The following XCR1 variants were observed in gnomAD, a reference collection of about 807,000 sequenced individuals.
XCR1 encodes chemokine XC receptor 1.
For synonymous variants in XCR1, 187 were observed against 188.5 expected, an observed-to-expected ratio of 0.99 and a Z score of 0.06; for missense variants, 356 against 424.2, an observed-to-expected ratio of 0.84 and a Z score of 1.41.
rs1559479037 is a variant in XCR1 at position 46,021,591 on chromosome 3, G to A, written c.357C>T (p.Phe119=). The A allele has an allele frequency of 2.5e-6, 4 of 1,612,460 alleles. No individual in the cohort carries two copies. ...FSISLYSSIF[F]LTIMTIHRYL... Reference sequence around the variant, plus strand: ...AGCGGTGGATGGTCATGATGGTCAGGAAGAAGATGCTGCTGTAGAGGCTGA... The same window carrying A: ...AGCGGTGGATGGTCATGATGGTCAGAAAGAAGATGCTGCTGTAGAGGCTGA... The change falls in exon 2 of 2, where the codon TTC becomes TTT. Residue 119 remains phenylalanine, a synonymous_variant. Coordinates refer to ENST00000309285, the MANE Select transcript of XCR1 (RefSeq NM_001024644.2). The surrounding 1 kb of genome is among the most constrained non-coding windows in gnomAD (Gnocchi z 4.7).
At chr3:46,052,407 T>G (rs992064952) in intron 5 of XCR1, among the ~76,000 whole-genome samples, 3 of 152,202 alleles carry the variant, frequency 2.0e-5, no homozygotes, top group Non-Finnish European at 4.4e-5. Flanking sequence ...GATGAAATTT[T>G]GAGTGGCACT....
chr3:46,023,706 T>C (rs36110050), intron 1 of XCR1: 1 of 1,526,486 alleles, frequency 6.6e-7, no homozygotes, highest in South Asian at 1.1e-5. Context: ...TTGACAGGGA[T>C]CCAGACACAC....
At chr3:46,083,760 G>A (rs1002954654) in intron 1 of XCR1, among the ~76,000 whole-genome samples, 1 of 152,230 alleles carries the variant, frequency 6.6e-6, no homozygotes, top group African/African-American at 2.4e-5. Flanking sequence ...AGGTGGATAT[G>A]TGGTGGCAAA....
chr3:46,071,064 AT>A (rs1411588265), intron 3 of XCR1, among the ~76,000 whole-genome samples: 2 of 152,198 alleles, frequency 1.3e-5, no homozygotes, highest in Non-Finnish European at 2.9e-5. Context: ...CCAAATAAAC[AT>A]ACTCAGAAAT....
intron 2 of XCR1, among the ~76,000 whole-genome samples, chr3:46,076,048 C>T (rs1380452698): frequency 6.6e-6 from 1 of 152,112 alleles, no homozygotes; most frequent in Non-Finnish European, 1.5e-5. Context: ...CAGGGTTCTC[C>T]AGGAAAAAGA....
At chr3:46,080,373 C>G (rs1356866095) in intron 1 of XCR1, among the ~76,000 whole-genome samples, 1 of 152,140 alleles carries the variant, frequency 6.6e-6, no homozygotes, top group Non-Finnish European at 1.5e-5. Context: ...ACAATAGATA[C>G]CTTGAAATGT....
rs887765616 is a variant in XCR1 at position 46,070,966 on chromosome 3, A to T, written c.-263+3685T>A. Among the ~76,000 whole-genome samples the T allele has an allele frequency of 4.6e-5, 7 of 151,784 alleles. No homozygotes were observed. In the South Asian group the frequency reaches 1.0e-3, roughly 23 times the overall value. On this transcript the variant is annotated intron_variant, in intron 3 of 5. Coordinates refer to the XCR1 transcript ENST00000683768. ...GAAACCTGTGAGTTTTTATATTCTC[A>T]TGTGGTTTTATGATGGTGAATACCA...
chr3:46,021,625 A>G lies in XCR1; in HGVS notation c.323T>C (p.Ile108Thr), dbSNP rs1384809384. The G allele has an allele frequency of 1.2e-6, 2 of 1,613,544 alleles. No individual in the cohort carries two copies. Among genetic ancestry groups the G allele is most frequent in the Non-Finnish European group, 1.7e-6 (2 of 1,179,862 alleles). The change falls in exon 2 of 2, where the codon ATC (isoleucine) becomes ACC (threonine). Residue 108 changes from isoleucine (I) to threonine (T), a missense_variant. Coordinates refer to ENST00000309285, the MANE Select transcript of XCR1 (RefSeq NM_001024644.2). The surrounding 1 kb of genome is among the most constrained non-coding windows in gnomAD (Gnocchi z 4.7). ...GDFLCKLLNM[I>T]FSISLYSSIF... ...GCTGCTGTAGAGGCTGATGGAGAAG[A>G]TCATATTGAGGAGTTTGCAGAGGAA...
At chr3:46,080,199 A>G (rs1002409799) in intron 1 of XCR1, among the ~76,000 whole-genome samples, 1 of 149,314 alleles carries the variant, frequency 6.7e-6, no homozygotes, top group African/African-American at 2.5e-5. Flanking sequence ...AAAAAAAAAG[A>G]AAAAAAAAGC....
chr3:46,053,561 T>C (rs1053360694), intron 5 of XCR1, among the ~76,000 whole-genome samples: 48 of 152,240 alleles, frequency 3.2e-4, no homozygotes, highest in African/African-American at 7.5e-4. Flanking sequence ...CGCAGAATAA[T>C]AAGGAGATAA....
chr3:46,054,984 G>A (rs575959428), intron 4 of XCR1, among the ~76,000 whole-genome samples: 1 of 152,204 alleles, frequency 6.6e-6, no homozygotes, highest in Non-Finnish European at 1.5e-5. Flanking sequence ...GGAATCCTTA[G>A]CAGAAAAGGC....
At chr3:46,023,509 C>T in intron 1 of XCR1, 1 of 1,569,058 alleles carries the variant, frequency 6.4e-7, no homozygotes, top group Non-Finnish European at 8.7e-7. Flanking sequence ...CCTCCTCATC[C>T]AAGAGAGATG....
rs1708159376 is a variant in XCR1 at position 46,021,799 on chromosome 3, C to T, written c.149G>A (p.Ser50Asn). ...LVFLLSLVGN[S>N]LVLWVLVKYE... ...CTTCACCAGGACCCACAGGACCAGG[C>T]TGTTGCCCACTAGGCTGAGGAGAAA... The change falls in exon 2 of 2, where the codon AGC (serine) becomes AAC (asparagine). Residue 50 changes from serine to asparagine, a missense_variant. Coordinates refer to ENST00000309285, the MANE Select transcript of XCR1 (RefSeq NM_001024644.2). The surrounding 1 kb of genome is among the most constrained non-coding windows in gnomAD (Gnocchi z 4.7). The T allele has an allele frequency of 1.2e-6, 2 of 1,614,008 alleles. No individual in the cohort carries two copies. The highest frequency in any genetic ancestry group is 2.7e-5 in the African/African-American group (2 of 74,870).
At chr3:46,033,611 T>C (rs1697347250) in intron 5 of XCR1, among the ~76,000 whole-genome samples, 1 of 152,238 alleles carries the variant, frequency 6.6e-6, no homozygotes, top group Non-Finnish European at 1.5e-5. Context: ...GCTAGGCCCC[T>C]GACTTTGTTC....
At chr3:46,041,258 G>A (rs747636965) in intron 5 of XCR1, among the ~76,000 whole-genome samples, 1 of 152,112 alleles carries the variant, frequency 6.6e-6, no homozygotes, top group Non-Finnish European at 1.5e-5. Flanking sequence ...TTTTCTAAGG[G>A]CTTTGACTGA....
intron 1 of XCR1, chr3:46,023,518 T>C (rs745872516): frequency 8.2e-5 from 129 of 1,569,374 alleles, no homozygotes; most frequent in Non-Finnish European, 1.0e-4. Context: ...CCAAGAGAGA[T>C]GGAAAAGGGC....
intron 1 of XCR1, among the ~76,000 whole-genome samples, chr3:46,082,476 C>CTTT (rs61282576): frequency 2.8e-4 from 28 of 100,030 alleles, no homozygotes; most frequent in South Asian, 2.0e-3. Flanking sequence ...AATCAGGCTC[C>CTTT]TTTTTTTTTT....
intron 1 of XCR1, among the ~76,000 whole-genome samples, chr3:46,082,757 T>C (rs1295235518): frequency 6.6e-6 from 1 of 152,166 alleles, no homozygotes; most frequent in Non-Finnish European, 1.5e-5. Context: ...CTCAAAGTGC[T>C]GGGATTACAG....
At chr3:46,063,790 A>G (rs1401047309) in intron 4 of XCR1, among the ~76,000 whole-genome samples, 1 of 152,122 alleles carries the variant, frequency 6.6e-6, no homozygotes, top group African/African-American at 2.4e-5. Flanking sequence ...TAACCTCCTA[A>G]ACATGTAATC....
Sources: gnomAD v4.1 joint callset for allele counts (sites outside exome capture counted in the v4.1 genomes callset) on GRCh38, gnomAD v4.1.1 for gene constraint, Gnocchi (gnomAD v3.1) non-coding constraint, MANE v1.5 for transcripts, NCBI Gene and HGNC (gene_info 2026-07-23, HGNC 2026-07-21) for gene names.